The following TEX10 variants were observed in gnomAD, a reference collection of about 807,000 sequenced individuals.
TEX10 encodes the protein testis expressed 10.
In TEX10, 24 loss-of-function variants were observed where a neutral mutation model predicts 104.4. That is an observed-to-expected ratio of 0.23 (90% CI 0.17 to 0.32). The LOEUF is 0.32. Ranked by LOEUF, TEX10 falls within the 10% of genes least tolerant of loss-of-function variation. TEX10 has a pLI of 1.00. For missense variants in TEX10, 921 were observed against 1,083.9 expected, an observed-to-expected ratio of 0.85 and a Z score of 2.11; for synonymous variants, 396 against 393.4, an observed-to-expected ratio of 1.01 and a Z score of -0.08.
intron 11 of TEX10, among the ~76,000 whole-genome samples, chr9:100,316,397 A>G (rs1463021071): frequency 6.6e-6 from 1 of 152,212 alleles, no homozygotes; most frequent in Non-Finnish European, 1.5e-5. Flanking sequence ...GGCCATCCAT[A>G]TATGACAAAC....
intron 5 of TEX10, among the ~76,000 whole-genome samples, chr9:100,333,505 AT>A (rs1311903786): frequency 3.3e-5 from 5 of 152,066 alleles, no homozygotes; most frequent in African/African-American, 1.2e-4. Context: ...AATACCAAAC[AT>A]AAGACTAAAG....
Position 100,310,286 on chromosome 9 carries a change from T to C in TEX10, c.2283+13A>G, listed in dbSNP as rs778164066. ...GTGTTCATTCTTAAGAGAAAAAGTT[T>C]AAGGATACTTACCAAATGCTTACTG... On this transcript the variant is annotated intron_variant, in intron 12 of 14. Coordinates refer to ENST00000374902, the MANE Select transcript of TEX10 (RefSeq NM_017746.4). The C allele has an allele frequency of 1.2e-6, 2 of 1,612,680 alleles. No homozygotes were observed. Among genetic ancestry groups the C allele is most frequent in the Non-Finnish European group, 1.7e-6 (2 of 1,178,880 alleles).
At chr9:100,343,838 T>C (rs967513698) in intron 4 of TEX10, among the ~76,000 whole-genome samples, 1 of 152,166 alleles carries the variant, frequency 6.6e-6, no homozygotes, top group African/African-American at 2.4e-5. Context: ...GCAATGCTAT[T>C]TGGTTCCTCC....
chr9:100,343,066 G>A (rs776304495), intron 4 of TEX10, among the ~76,000 whole-genome samples: 13 of 151,496 alleles, frequency 8.6e-5, no homozygotes, highest in African/African-American at 2.4e-4. Context: ...GGAGAATGGC[G>A]TGAACTCGGG....
At chr9:100,336,309 A>G (rs1835007357) in intron 5 of TEX10, among the ~76,000 whole-genome samples, 1 of 152,200 alleles carries the variant, frequency 6.6e-6, no homozygotes, top group Admixed American at 6.5e-5. Context: ...GTTAGGAACC[A>G]GGCCACACAG....
intron 2 of TEX10, among the ~76,000 whole-genome samples, chr9:100,347,891 T>C (rs1835342401): frequency 1.3e-5 from 2 of 152,226 alleles, no homozygotes; most frequent in African/African-American, 4.8e-5. Context: ...TTTAGTATTA[T>C]TTAAACTTCA....
chr9:100,326,356 A>G lies in TEX10; in HGVS notation c.1925T>C (p.Met642Thr). 1 of 1,614,116 alleles carries G rather than the reference A, an allele frequency of 6.2e-7. No individual in the cohort carries two copies. Among genetic ancestry groups the G allele is most frequent in the Non-Finnish European group, 8.5e-7 (1 of 1,179,998 alleles). Reference protein sequence around the residue: ...LLSRLSRCCIMGRLSSSLAAM... With the variant: ...LLSRLSRCCITGRLSSSLAAM... Reference sequence around the variant, plus strand: ...AGCCAAACTTGAACTGAGTCTTCCCATAATACAGCAACGACTTAACCGAGA... The same window carrying G: ...AGCCAAACTTGAACTGAGTCTTCCCGTAATACAGCAACGACTTAACCGAGA... Residue 642 changes from methionine to threonine, a missense_variant, in exon 9 of 15, where the codon ATG becomes ACG. Around this residue, in one of 3 missense-constraint regions of TEX10, gnomAD observed 753 missense variants for 868.4 expected, o/e 0.87. Coordinates refer to ENST00000374902, the MANE Select transcript of TEX10 (RefSeq NM_017746.4).
At chr9:100,350,595 C>A (rs1379066823) in intron 1 of TEX10, among the ~76,000 whole-genome samples, 2 of 152,112 alleles carry the variant, frequency 1.3e-5, no homozygotes, top group African/African-American at 4.8e-5. Flanking sequence ...GTAAGTACCT[C>A]TGGAATATAT....
At chr9:100,305,072 T>C (rs1834112335) in intron 13 of TEX10, 1 of 152,226 alleles carries the variant, frequency 6.6e-6, no homozygotes, top group African/African-American at 2.4e-5. Flanking sequence ...AAAATGTTTA[T>C]GGTAGAGACA....
Position 100,303,835 on chromosome 9 carries a change from G to A in TEX10, c.2473C>T (p.Leu825=). Residue 825 remains leucine (L), a synonymous_variant, in exon 14 of 15, where the codon CTG becomes TTG. Coordinates refer to ENST00000374902, the MANE Select transcript of TEX10 (RefSeq NM_017746.4). ...AGGATGGAGACACAGACCCCCCACA[G>A]CTTGTCCCTACAATAACAGAGACAG... ...EAEHLRKRDK[L]WGVCVSILAL... The A allele has an allele frequency of 1.2e-6, 2 of 1,613,812 alleles. No homozygotes were observed. The highest frequency in any genetic ancestry group is 1.7e-6 in the Non-Finnish European group (2 of 1,179,966).
intron 4 of TEX10, among the ~76,000 whole-genome samples, chr9:100,345,659 G>A (rs1021586278): frequency 6.6e-6 from 1 of 152,192 alleles, no homozygotes; most frequent in African/African-American, 2.4e-5. Context: ...GAGCTCTTCA[G>A]TTTTGTCCCT....
At position 100,346,756 on chromosome 9, in the gene TEX10, T is replaced by A; in HGVS notation, c.831A>T (p.Gln277His). The A allele has an allele frequency of 6.2e-7, 1 of 1,614,200 alleles. No homozygotes were observed. The highest frequency in any genetic ancestry group is 8.5e-7 in the Non-Finnish European group (1 of 1,180,006). The part of the protein sequence containing the change: ...INWKEHANDQ[Q>H]HIQVYENGGS... ...CCCCATTTTCATAAACCTGGATGTG[T>A]TGCTGGTCGTTGGCATGTTCCTTCC... The change falls in exon 3 of 15, where the codon CAA becomes CAT. Residue 277 changes from glutamine (Q) to histidine (H), a missense_variant. By Grantham distance (24) the Gln-to-His change is conservative. Transcript: ENST00000374902.
Position 100,303,710 on chromosome 9 carries a change from C to G in TEX10, c.2598G>C (p.Leu866=), listed in dbSNP as rs1373007354. 6.2e-7 allele frequency: 1 copy of G among 1,614,126 alleles called. No homozygotes were observed. Residue 866 remains leucine (L), a synonymous_variant, in exon 14 of 15, where the codon CTG becomes CTC. Coordinates refer to ENST00000374902, the MANE Select transcript of TEX10 (RefSeq NM_017746.4). ...ELPVVGQLLR[L]LLQHAPLRTH... ...TCCTGAGGGGTGCATGCTGAAGCAG[C>G]AGTCGAAGCAGCTGGCCCACAACAG...
At chr9:100,347,481 A>G in intron 2 of TEX10, 75 bp from the exon 3 acceptor site, 1 of 1,159,994 alleles carries the variant, frequency 8.6e-7, no homozygotes, top group African/African-American at 1.6e-5. Context: ...GCTAACTAAC[A>G]CTACACTAGT....
chr9:100,322,745 A>G (rs1834600744), intron 9 of TEX10, among the ~76,000 whole-genome samples: 1 of 152,038 alleles, frequency 6.6e-6, no homozygotes, highest in African/African-American at 2.4e-5. Context: ...CCTCCTGAGT[A>G]GCTGGGATTA....
chr9:100,352,551 A>C (rs2118953663), intron 1 of TEX10: 1 of 1,544,120 alleles, frequency 6.5e-7, no homozygotes, highest in South Asian at 1.2e-5. Context: ...GAACCCGCCC[A>C]GTCACCTGAA....
Position 100,303,803 on chromosome 9 carries a change from G to C in TEX10, c.2505C>G (p.Leu835=). The C allele has an allele frequency of 6.2e-7, 1 of 1,614,126 alleles. No homozygotes were observed. The highest frequency in any genetic ancestry group is 1.7e-4 in the Middle Eastern group (1 of 6,058). Residue 835 remains leucine (L), a synonymous_variant, in exon 14 of 15, where the codon CTC becomes CTG. Transcript: ENST00000374902. ...LWGVCVSILA[L]LPRVLRLMLQ... is the part of the protein sequence containing the mutation. ...GCATCAACCTGAGGACTCGAGGCAA[G>C]AGAGCCAGGATGGAGACACAGACCC...
intron 9 of TEX10, among the ~76,000 whole-genome samples, chr9:100,323,834 A>G (rs1196736482): frequency 6.6e-6 from 1 of 152,208 alleles, no homozygotes; most frequent in African/African-American, 2.4e-5. Flanking sequence ...AAAATCAGAA[A>G]TGAGTAAAGG....
In TEX10 at chr9:100,344,282, A is replaced by G. The variant is rs11999759; in HGVS notation, c.1137+1790T>C. 5.2e-3 allele frequency among the ~76,000 whole-genome samples: 793 copies of G among 152,308 alleles called. 10 individuals carry two copies. Among genetic ancestry groups the G allele is most frequent in the African/African-American group, 0.018 (747 of 41,564 alleles). ...ATGTTAATGAGCTGCTAATAAGCCT[A>G]GTCATGTTATAATAGCACAAAATAG... On this transcript the variant is annotated intron_variant, in intron 4 of 14. Coordinates refer to ENST00000374902, the MANE Select transcript of TEX10 (RefSeq NM_017746.4).
Sources: gnomAD v4.1 joint callset for allele counts (sites outside exome capture counted in the v4.1 genomes callset) on GRCh38, gnomAD v4.1.1 for gene constraint, gnomAD v4.1.1 regional missense constraint, MANE v1.5 for transcripts, NCBI Gene and HGNC (gene_info 2026-07-23, HGNC 2026-07-21) for gene names.